The following RERE variants were observed in gnomAD, a reference collection of about 807,000 sequenced individuals.
RERE encodes arginine-glutamic acid dipeptide repeats protein.
A neutral mutation model predicts 146.1 loss-of-function variants in RERE; 40 were observed. The observed-to-expected ratio is 0.27, with a 90% CI of 0.21 to 0.36. The LOEUF (loss-of-function observed/expected upper bound fraction) is 0.36, where lower values mean the gene tolerates loss of function less well. Among genes scored for constraint, RERE ranks in the 10% least tolerant of loss-of-function variants. The probability of loss-of-function intolerance (pLI) is 1.00; values close to 1 mark genes in which losing one functional copy is unlikely to be tolerated. For missense variants in RERE, 1,933 were observed against 2,138.7 expected, an observed-to-expected ratio of 0.90 and a Z score of 1.90; for synonymous variants, 1,003 against 866.0, an observed-to-expected ratio of 1.16 and a Z score of -2.78.
chr1:8,585,224 C>T (rs1646413324), intron 4 of RERE, among the ~76,000 whole-genome samples: 1 of 151,144 alleles, frequency 6.6e-6, no homozygotes, highest in African/African-American at 2.4e-5. Context: ...AGAAATCTGT[C>T]TGAAAGAAAA....
intron 1 of RERE, among the ~76,000 whole-genome samples, chr1:8,660,228 T>C (rs1638423536): frequency 6.6e-6 from 1 of 152,190 alleles, no homozygotes; most frequent in Non-Finnish European, 1.5e-5. Flanking sequence ...TTTTCCTCTA[T>C]GTTTAGCATA....
intron 1 of RERE, among the ~76,000 whole-genome samples, chr1:8,812,200 T>C (rs1338689790): frequency 2.0e-5 from 3 of 152,222 alleles, no homozygotes; most frequent in Non-Finnish European, 4.4e-5. Context: ...CGACTTCTGA[T>C]GCAAATACCC....
chr1:8,376,373 A>G (rs1002791709), intron 12 of RERE, among the ~76,000 whole-genome samples: 1 of 152,228 alleles, frequency 6.6e-6, no homozygotes, highest in African/African-American at 2.4e-5. Flanking sequence ...CATGGACTAC[A>G]GAACTGCACC....
chr1:8,633,137 T>C (rs1242238793), intron 2 of RERE, among the ~76,000 whole-genome samples: 1 of 152,190 alleles, frequency 6.6e-6, no homozygotes, highest in Non-Finnish European at 1.5e-5. Flanking sequence ...AATTTACTTA[T>C]GGCCAAGCTT....
In RERE at chr1:8,361,628, G is replaced by C. The variant is rs1641585928; in HGVS notation, c.2016+135C>G. 3 of 1,359,870 alleles carry C rather than the reference G, an allele frequency of 2.2e-6. No individual in the cohort carries two copies. In the Admixed American group the frequency reaches 5.5e-5, roughly 25 times the overall value. 84.2% of individuals were successfully genotyped at this position (1,359,870 alleles called of 1,614,324 possible). A position where few individuals can be genotyped will look rare whatever the true frequency, so the allele number is the denominator to read the frequency against. On this transcript the variant is annotated intron_variant, in intron 17 of 22. Coordinates refer to ENST00000400908, the MANE Select transcript of RERE (RefSeq NM_001042681.2). ...GCTCCGGGACCACAGGTCGTGCCCTGACCCAGCCAGTGTCAAAGGCCACTC... is the reference window on the plus strand; with the variant it reads ...GCTCCGGGACCACAGGTCGTGCCCTCACCCAGCCAGTGTCAAAGGCCACTC...
chr1:8,467,223 C>A (rs757012123), intron 10 of RERE, among the ~76,000 whole-genome samples: 9 of 152,208 alleles, frequency 5.9e-5, no homozygotes, highest in Non-Finnish European at 1.2e-4. Flanking sequence ...AACAATGAGC[C>A]AGCATTTGCC....
chr1:8,543,618 A>G (rs2124395966), intron 6 of RERE, among the ~76,000 whole-genome samples: 1 of 152,318 alleles, frequency 6.6e-6, no homozygotes, highest in South Asian at 2.1e-4. Flanking sequence ...TCTTGGCACT[A>G]ATGACAGTTT....
At chr1:8,603,980 C>T (rs1273696959) in intron 4 of RERE, among the ~76,000 whole-genome samples, 1 of 151,266 alleles carries the variant, frequency 6.6e-6, no homozygotes, top group Non-Finnish European at 1.5e-5. Context: ...GTTCCACATG[C>T]TGCAAAGGAC....
At chr1:8,386,413 C>T (rs893150007) in intron 12 of RERE, among the ~76,000 whole-genome samples, 1 of 150,942 alleles carries the variant, frequency 6.6e-6, no homozygotes, top group African/African-American at 2.4e-5. Context: ...GCTTGTGTGG[C>T]CCTGTCTCAT....
intron 16 of RERE, 144 bp downstream of exon 16, chr1:8,362,539 A>G: frequency 8.9e-7 from 1 of 1,119,976 alleles, no homozygotes; most frequent in Non-Finnish European, 1.3e-6. Flanking sequence ...TGCAGCCCCT[A>G]GGCCAGGACA....
intron 1 of RERE, among the ~76,000 whole-genome samples, chr1:8,739,842 T>C (rs1640273313): frequency 6.7e-6 from 1 of 149,680 alleles, no homozygotes; most frequent in Admixed American, 6.7e-5. Flanking sequence ...ATAATACTGA[T>C]ATATTAATTA....
chr1:8,700,801 T>C (rs1293154204), intron 1 of RERE, among the ~76,000 whole-genome samples: 1 of 152,188 alleles, frequency 6.6e-6, no homozygotes, highest in East Asian at 1.9e-4. Flanking sequence ...CATTATAAAA[T>C]GGATGGCTCC....
intron 4 of RERE, among the ~76,000 whole-genome samples, chr1:8,570,363 AT>A (rs986007234): frequency 4.3e-4 from 66 of 152,084 alleles, no homozygotes; most frequent in African/African-American, 1.4e-3. Context: ...AAAAAAATAA[AT>A]TTTTTTGTAA....
chr1:8,668,399 G>A (rs572670555), intron 1 of RERE, among the ~76,000 whole-genome samples: 1 of 152,254 alleles, frequency 6.6e-6, no homozygotes, highest in Admixed American at 6.5e-5. Context: ...GGAAGCTTCC[G>A]CTGTCACACA....
At chr1:8,645,655 T>C (rs1448333637) in intron 2 of RERE, among the ~76,000 whole-genome samples, 2 of 152,204 alleles carry the variant, frequency 1.3e-5, no homozygotes, top group East Asian at 1.9e-4. Context: ...CTGTGGCCAA[T>C]GCTTGGTGCA....
intron 2 of RERE, among the ~76,000 whole-genome samples, chr1:8,642,756 A>T (rs1225534407): frequency 6.6e-6 from 1 of 152,192 alleles, no homozygotes; most frequent in African/African-American, 2.4e-5. Context: ...AAACCTAGGT[A>T]AACCTTCTGG....
intron 4 of RERE, among the ~76,000 whole-genome samples, chr1:8,564,639 T>G (rs1172592449): frequency 2.6e-5 from 4 of 151,976 alleles, no homozygotes; most frequent in Admixed American, 2.6e-4. Flanking sequence ...AAAATGAAAT[T>G]AGATCCAGGA....
chr1:8,751,326 C>CTCA (rs1216264137), intron 1 of RERE, among the ~76,000 whole-genome samples: 2 of 152,182 alleles, frequency 1.3e-5, no homozygotes, highest in Non-Finnish European at 2.9e-5. Flanking sequence ...CATCTAGTCT[C>CTCA]TCATTTGCTC....
rs562845895 is a variant in RERE at position 8,466,262 on chromosome 1, T to C, written c.1105-239A>G. On this transcript the variant is annotated intron_variant, in intron 10 of 22. Transcript: ENST00000400908. ...AAGGCAGAAAATATTTTGGCAAAGA[T>C]AGGAATAGGATTCCCCTATATTCCC... Among the ~76,000 whole-genome samples, 108 of 152,262 alleles carry C rather than the reference T, an allele frequency of 7.1e-4. 1 individual carries two copies. Among genetic ancestry groups the C allele is most frequent in the Admixed American group, 1.0e-3 (16 of 15,294 alleles).
Sources: gnomAD v4.1 joint callset for allele counts (sites outside exome capture counted in the v4.1 genomes callset) on GRCh38, gnomAD v4.1.1 for gene constraint, MANE v1.5 for transcripts, NCBI Gene and HGNC (gene_info 2026-07-23, HGNC 2026-07-21) for gene names.